Variants in SCFD2 observed in about 807,000 individuals in gnomAD.
The protein encoded by SCFD2 is sec1 family domain-containing protein 2.
SCFD2 carries 54 observed loss-of-function variants against 58.9 expected under a neutral mutation model. That is an observed-to-expected ratio of 0.92 (90% CI 0.74 to 1.15). The LOEUF is 1.15. SCFD2 is among the 50% of genes most tolerant of loss of function. The pLI is 0.00. For missense variants in SCFD2, 805 were observed against 836.6 expected, an observed-to-expected ratio of 0.96 and a Z score of 0.47; for synonymous variants, 321 against 335.9, an observed-to-expected ratio of 0.96 and a Z score of 0.49.
chr4:52,959,624 T>TTATATGACACAAGCTCTTGCTTCG (rs1720796685), intron 5 of SCFD2, among the ~76,000 whole-genome samples: 1 of 152,062 alleles, frequency 6.6e-6, no homozygotes, highest in Non-Finnish European at 1.5e-5. Context: ...TAGATCAACT[T>TTATATGACACAAGCTCTTGCTTCG]TATATGACAC....
In SCFD2 at chr4:53,281,256, T is replaced by C. The variant is rs184114499; in HGVS notation, c.1136-7255A>G. Among the ~76,000 whole-genome samples the C allele has an allele frequency of 1.6e-4, 24 of 152,370 alleles. No homozygotes were observed. In the East Asian group the frequency reaches 3.9e-3, roughly 24 times the overall value. On this transcript the variant is annotated intron_variant, in intron 3 of 8. Transcript: ENST00000401642. Reference sequence around the variant, plus strand: ...GCCTTTTTAACTGTGCTAATATTTTTATCAAGAGTTTTAATGTTTTTGTAA... The same window carrying C: ...GCCTTTTTAACTGTGCTAATATTTTCATCAAGAGTTTTAATGTTTTTGTAA...
intron 5 of SCFD2, among the ~76,000 whole-genome samples, chr4:53,132,295 T>C (rs1268103105): frequency 6.6e-6 from 1 of 152,176 alleles, no homozygotes; most frequent in African/African-American, 2.4e-5. Flanking sequence ...AAACTAAATA[T>C]AACGGTTCCA....
chr4:53,348,717 A>ATTT (rs200497451), intron 2 of SCFD2, among the ~76,000 whole-genome samples: 1 of 141,686 alleles, frequency 7.1e-6, no homozygotes, highest in East Asian at 2.1e-4. Flanking sequence ...TTATGACCAT[A>ATTT]TTTTTTTTTT....
At chr4:53,286,845 T>C (rs1731683705) in intron 3 of SCFD2, among the ~76,000 whole-genome samples, 1 of 152,108 alleles carries the variant, frequency 6.6e-6, no homozygotes, top group South Asian at 2.1e-4. Flanking sequence ...TCCTGGGCCC[T>C]TGGTGCTACT....
At chr4:53,110,816 G>C (rs1725148527) in intron 5 of SCFD2, among the ~76,000 whole-genome samples, 1 of 152,082 alleles carries the variant, frequency 6.6e-6, no homozygotes, top group Admixed American at 6.6e-5. Flanking sequence ...ATACCATTTG[G>C]CCTAGCAATC....
At chr4:53,332,334 T>G (rs979434214) in intron 2 of SCFD2, among the ~76,000 whole-genome samples, 15 of 151,686 alleles carry the variant, frequency 9.9e-5, no homozygotes, top group Non-Finnish European at 1.5e-4. Flanking sequence ...TGAACATTGA[T>G]GCAAAAATCC....
intron 5 of SCFD2, among the ~76,000 whole-genome samples, chr4:52,996,283 G>A (rs1721739383): frequency 6.6e-6 from 1 of 152,048 alleles, no homozygotes; most frequent in African/African-American, 2.4e-5. Context: ...GCTTGAGCAA[G>A]GAGGTCTTGG....
At position 53,053,666 on chromosome 4, in the gene SCFD2, C is replaced by T. The variant is rs546309310; in HGVS notation, c.1561+91667G>A. 9.2e-5 allele frequency among the ~76,000 whole-genome samples: 14 copies of T among 152,244 alleles called. No homozygotes were observed. In the East Asian group the frequency reaches 1.2e-3, roughly 13 times the overall value. ...TTGCTCACCTCCATGTTTCTGCATC[C>T]GCTTTTCCTCTGCCTAGAGAGGACT... On this transcript the variant is annotated intron_variant, in intron 5 of 8. Transcript: ENST00000401642.
At chr4:53,194,513 C>G (rs1050232076) in intron 4 of SCFD2, among the ~76,000 whole-genome samples, 1 of 152,074 alleles carries the variant, frequency 6.6e-6, no homozygotes, top group East Asian at 1.9e-4. Context: ...CTTCATATTA[C>G]GGATGAACAT....
chr4:53,186,907 A>G (rs1456605575), intron 4 of SCFD2, among the ~76,000 whole-genome samples: 2 of 152,074 alleles, frequency 1.3e-5, no homozygotes, highest in Non-Finnish European at 2.9e-5. Flanking sequence ...AATGAAGGAG[A>G]TAATGACTAT....
chr4:53,135,005 A>G (rs1725895575), intron 5 of SCFD2, among the ~76,000 whole-genome samples: 1 of 151,190 alleles, frequency 6.6e-6, no homozygotes, highest in South Asian at 2.1e-4. Context: ...AATCTATTTG[A>G]AAAAAAAACC....
At chr4:52,999,544 C>T (rs749189479) in intron 5 of SCFD2, among the ~76,000 whole-genome samples, 8 of 152,098 alleles carry the variant, frequency 5.3e-5, no homozygotes, top group South Asian at 2.1e-4. Context: ...AATTGGACTA[C>T]GATATTTCAC....
At chr4:53,353,399 CAATA>C (rs1362107086) in intron 1 of SCFD2, among the ~76,000 whole-genome samples, 1 of 152,128 alleles carries the variant, frequency 6.6e-6, no homozygotes, top group Non-Finnish European at 1.5e-5. Flanking sequence ...TGAGTAGCAG[CAATA>C]TTTATTGCAG....
At chr4:53,235,300 T>G (rs1157334544) in intron 4 of SCFD2, among the ~76,000 whole-genome samples, 1 of 152,200 alleles carries the variant, frequency 6.6e-6, no homozygotes, top group African/African-American at 2.4e-5. Context: ...ACAGCCACAA[T>G]GAGATATCTC....
intron 5 of SCFD2, among the ~76,000 whole-genome samples, chr4:53,067,392 T>G (rs996786527): frequency 3.3e-5 from 5 of 151,944 alleles, no homozygotes; most frequent in Non-Finnish European, 5.9e-5. Context: ...ACCAAAAGAG[T>G]GGCTGTGATG....
intron 4 of SCFD2, among the ~76,000 whole-genome samples, chr4:53,259,319 C>T (rs377278300): frequency 3.4e-4 from 51 of 152,170 alleles, no homozygotes; most frequent in African/African-American, 8.7e-4. Flanking sequence ...ACGGTTTGTC[C>T]GATGTTATCT....
At chr4:53,015,413 T>A (rs1305400179) in intron 5 of SCFD2, among the ~76,000 whole-genome samples, 1 of 151,224 alleles carries the variant, frequency 6.6e-6, no homozygotes, top group African/African-American at 2.4e-5. Flanking sequence ...TAGTAAGGAG[T>A]ACAGGAAAAT....
At chr4:53,132,224 T>G (rs1725804505) in intron 5 of SCFD2, among the ~76,000 whole-genome samples, 1 of 152,252 alleles carries the variant, frequency 6.6e-6, no homozygotes, top group African/African-American at 2.4e-5. Context: ...ATCTTAAACT[T>G]CACTGATACA....
rs187751300 is a variant in SCFD2, at chr4:53,117,513, C to G, written c.1561+27820G>C. On this transcript the variant is annotated intron_variant, in intron 5 of 8. Coordinates refer to ENST00000401642, the MANE Select transcript of SCFD2 (RefSeq NM_152540.4). The stretch of plus-strand genomic sequence containing the variant: ...AAAGGTAAGAGGTGATTTAAAAAAA[C>G]AAAAAACAAAAAACACATACAGTGT... 4.2e-3 allele frequency among the ~76,000 whole-genome samples: 635 copies of G among 152,068 alleles called. 3 individuals carry two copies. Among genetic ancestry groups the G allele is most frequent in the Non-Finnish European group, 6.5e-3 (444 of 67,952 alleles).
Sources: gnomAD v4.1 joint callset for allele counts (sites outside exome capture counted in the v4.1 genomes callset) on GRCh38, gnomAD v4.1.1 for gene constraint, MANE v1.5 for transcripts, NCBI Gene and HGNC (gene_info 2026-07-23, HGNC 2026-07-21) for gene names.